The following GFI1B variants were observed in gnomAD, a reference collection of about 807,000 sequenced individuals.
The protein encoded by GFI1B is growth factor independent 1B transcriptional repressor.
Under a neutral mutation model 35.3 loss-of-function variants are expected in GFI1B, and 20 were observed. The ratio of observed to expected loss-of-function variants is 0.57; its 90% confidence interval spans 0.40 to 0.82. GFI1B has a LOEUF of 0.82. GFI1B is among the 40% of genes least tolerant of loss of function. The pLI is 0.00. For synonymous variants in GFI1B, 178 were observed against 177.6 expected (o/e 1.00, Z -0.02); for missense variants, 430 against 446.3 (o/e 0.96, Z 0.33).
At chr9:132,971,695 C>T (rs772653846) in intron 1 of GFI1B, among the ~76,000 whole-genome samples, 1 of 152,096 alleles carries the variant, frequency 6.6e-6, no homozygotes, top group Admixed American at 6.5e-5. Flanking sequence ...TACTGTTGGC[C>T]GGGCATGGTG....
intron 1 of GFI1B, among the ~76,000 whole-genome samples, chr9:132,969,311 G>A (rs995760456): frequency 2.6e-5 from 4 of 152,188 alleles, no homozygotes; most frequent in Non-Finnish European, 5.9e-5. Flanking sequence ...GATTACAGGC[G>A]TGAGCCACTG....
intron 1 of GFI1B, among the ~76,000 whole-genome samples, chr9:132,955,538 C>T (rs771767566): frequency 3.3e-5 from 5 of 152,144 alleles, no homozygotes; most frequent in African/African-American, 7.2e-5. Context: ...GTGATCCTCC[C>T]GCCTTGGTCT....
At chr9:132,962,843 G>A (rs1192218500) in intron 1 of GFI1B, among the ~76,000 whole-genome samples, 1 of 151,804 alleles carries the variant, frequency 6.6e-6, no homozygotes, top group Admixed American at 6.6e-5. Context: ...GGCCAAGGCG[G>A]GTGGATCACT....
Position 132,955,562 on chromosome 9 carries a change from G to A in GFI1B, c.-701+9893G>A, listed in dbSNP as rs575392053. Among the ~76,000 whole-genome samples, 6 of 152,312 alleles carry A rather than the reference G, an allele frequency of 3.9e-5. No individual in the cohort carries two copies. The East Asian group carries it at 7.7e-4, about 20-fold the overall frequency. On this transcript the variant is annotated intron_variant, in intron 1 of 10. Transcript: ENST00000339463. ...CCGCCTTGGTCTCCCAAAGGATTGG[G>A]ATTACAGGCATTAGCTACTGTGCCC...
chr9:132,950,831 G>GTTGT (rs958037334), intron 1 of GFI1B, among the ~76,000 whole-genome samples: 15 of 148,306 alleles, frequency 1.0e-4, no homozygotes, highest in South Asian at 4.3e-4. Context: ...TTTTGTTGTT[G>GTTGT]TTGTTTGTTT....
At chr9:132,963,947 C>T (rs1175232425) in intron 1 of GFI1B, among the ~76,000 whole-genome samples, 1 of 152,016 alleles carries the variant, frequency 6.6e-6, no homozygotes, top group African/African-American at 2.4e-5. Context: ...TTTTTAAAAA[C>T]CTATAATGCA....
chr9:132,991,815 T>C (rs1849303354), downstream of GFI1B: 1 of 152,284 alleles, frequency 6.6e-6, no homozygotes, highest in African/African-American at 2.4e-5. Context: ...AGGCAAGTTG[T>C]GGAGAAGTGT....
chr9:132,986,603 T>C (rs61469632), intron 1 of GFI1B, 56 bp from the exon 2 acceptor site: 62,102 of 848,942 alleles, frequency 0.073, 3,408 homozygotes, highest in South Asian at 0.19. Flanking sequence ...TTCTGAGATA[T>C]GGAGGGGTAT....
intron 1 of GFI1B, among the ~76,000 whole-genome samples, chr9:132,957,935 G>A (rs903019570): frequency 6.6e-6 from 1 of 152,166 alleles, no homozygotes; most frequent in Non-Finnish European, 1.5e-5. Context: ...TTTACCTTCA[G>A]AATAATCCTA....
chr9:132,973,281 C>G (rs1848563235), intron 2 of GFI1B, among the ~76,000 whole-genome samples: 1 of 152,204 alleles, frequency 6.6e-6, no homozygotes, highest in Non-Finnish European at 1.5e-5. Flanking sequence ...CCCCAATATC[C>G]CACGACCCCC....
chr9:132,976,422 C>A (rs1848633292), upstream of GFI1B: 1 of 152,160 alleles, frequency 6.6e-6, no homozygotes, highest in African/African-American at 2.4e-5. Context: ...TAATGACAAG[C>A]AGTTCTAGCT....
In GFI1B at chr9:132,989,690, G is replaced by A; in HGVS notation, c.649-52G>A. 1 of 1,521,734 alleles carries A rather than the reference G, an allele frequency of 6.6e-7. No individual in the cohort carries two copies. Among genetic ancestry groups the A allele is most frequent in the Non-Finnish European group, 9.1e-7 (1 of 1,100,538 alleles). 94.3% of individuals were successfully genotyped at this position (1,521,734 alleles called of 1,614,324 possible). On this transcript the variant is annotated intron_variant, in intron 5 of 6. Coordinates refer to ENST00000372122, the MANE Select transcript of GFI1B (RefSeq NM_001377304.1). This position sits in a 1 kb window ranked among gnomAD's most constrained non-coding sequence, Gnocchi z 6.2. ...CTGTTCCGCAGGGGATCCCGGCCGG[G>A]TCCAGTCCTGAGCCTGCACCTGACC...
chr9:132,957,115 T>G (rs1285480816), intron 1 of GFI1B, among the ~76,000 whole-genome samples: 2 of 152,094 alleles, frequency 1.3e-5, no homozygotes, highest in Non-Finnish European at 2.9e-5. Flanking sequence ...TCTCAGTGAG[T>G]GTCTAAGGAA....
intron 1 of GFI1B, among the ~76,000 whole-genome samples, chr9:132,957,430 A>G (rs1848298433): frequency 6.6e-6 from 1 of 152,216 alleles, no homozygotes; most frequent in Admixed American, 6.5e-5. Context: ...AAGAGTATGT[A>G]GTCGTTTATG....
In GFI1B at chr9:132,988,385, G is replaced by T; in HGVS notation, c.427G>T (p.Val143Leu). ...CGTCAGCCTGTACGGCAGTCCTCTT[G>T]TGCCCAGCACTGAGCCCGCCTTGGA... is the stretch of plus-strand genomic sequence containing the variant. ...HSVSLYGSPL[V>L]PSTEPALDFS... The change falls in exon 4 of 7, where the codon GTG becomes TTG. Residue 143 changes from valine to leucine, a missense_variant. Val to Leu is a conservative substitution (Grantham distance 32). Coordinates refer to ENST00000372122, the MANE Select transcript of GFI1B (RefSeq NM_001377304.1). 1 of 1,614,156 alleles carries T rather than the reference G, an allele frequency of 6.2e-7. No homozygotes were observed. Among genetic ancestry groups the T allele is most frequent in the Non-Finnish European group, 8.5e-7 (1 of 1,180,002 alleles).
chr9:132,957,723 T>C lies in GFI1B; in HGVS notation c.-701+12054T>C, dbSNP rs147473739. On this transcript the variant is annotated intron_variant, in intron 1 of 10. Coordinates refer to the GFI1B transcript ENST00000339463. The stretch of plus-strand genomic sequence containing the variant: ...TCAGATATGAAGAGTAAGTGGCAGT[T>C]AGCCAGGAAAAGAGAGAGAAAGTTA... 6.5e-3 allele frequency among the ~76,000 whole-genome samples: 983 copies of C among 152,056 alleles called. 8 individuals carry two copies. Among genetic ancestry groups the C allele is most frequent in the African/African-American group, 0.023 (943 of 41,462 alleles).
At chr9:132,968,137 G>T (rs1848477774) in intron 1 of GFI1B, among the ~76,000 whole-genome samples, 1 of 142,724 alleles carries the variant, frequency 7.0e-6, no homozygotes, top group African/African-American at 2.6e-5. Context: ...TTTGATTTGA[G>T]ACAGTGTCTT....
chr9:132,985,633 G>A (rs1045294988), intron 1 of GFI1B, among the ~76,000 whole-genome samples: 4 of 152,158 alleles, frequency 2.6e-5, no homozygotes, highest in Non-Finnish European at 5.9e-5. Context: ...CACGTGGATT[G>A]GCAATGTCCC....
Position 132,989,179 on chromosome 9 carries a change from A to G in GFI1B, c.629A>G (p.His210Arg). The G allele has an allele frequency of 6.2e-7, 1 of 1,613,640 alleles. No individual in the cohort carries two copies. The highest frequency in any genetic ancestry group is 1.1e-5 in the South Asian group (1 of 91,076). Residue 210 changes from histidine to arginine, a missense_variant, in exon 5 of 7, where the codon CAC (histidine) becomes CGC (arginine). His to Arg is a conservative substitution (Grantham distance 29, BLOSUM62 0). Coordinates refer to ENST00000372122, the MANE Select transcript of GFI1B (RefSeq NM_001377304.1). This position sits in a 1 kb window ranked among gnomAD's most constrained non-coding sequence, Gnocchi z 6.2. ...TFGHAVSLEQ[H>R]THVHSQERSF... ...GGCCACGCTGTGAGCCTGGAGCAGC[A>G]CACGCACGTCCACTCCCAGGTGGGC...
Sources: gnomAD v4.1 joint callset for allele counts (sites outside exome capture counted in the v4.1 genomes callset) on GRCh38, gnomAD v4.1.1 for gene constraint, Gnocchi (gnomAD v3.1) non-coding constraint, MANE v1.5 for transcripts, NCBI Gene and HGNC (gene_info 2026-07-23, HGNC 2026-07-21) for gene names.